Variants in MROH1 observed in about 807,000 individuals in gnomAD.
MROH1 encodes maestro heat like repeat family member 1.
In MROH1, 117 loss-of-function variants were observed where a neutral mutation model predicts 116.5. The observed-to-expected ratio is 1.00, with a 90% CI of 0.86 to 1.17. The LOEUF (loss-of-function observed/expected upper bound fraction) is 1.17, where lower values mean the gene tolerates loss of function less well. MROH1 is among the 50% of genes most tolerant of loss of function. MROH1 has a pLI of 0.00. For synonymous variants in MROH1, 921 were observed against 583.9 expected (o/e 1.58, Z -8.32); for missense variants, 1,873 against 1,338.5 (o/e 1.40, Z -6.23).
At chr8:144,150,747 C>T (rs901445669) in intron 1 of MROH1, among the ~76,000 whole-genome samples, 71 of 152,330 alleles carry the variant, frequency 4.7e-4, no homozygotes, top group African/African-American at 1.4e-3. Context: ...CTTATCCAGC[C>T]ACTGATGCAG....
chr8:144,170,334 AG>A (rs1013893703), intron 4 of MROH1, among the ~76,000 whole-genome samples: 7 of 152,220 alleles, frequency 4.6e-5, no homozygotes, highest in Non-Finnish European at 1.0e-4. Context: ...ATTTTTAAAA[AG>A]TCTGCCTTCA....
intron 23 of MROH1, 39 bp downstream of exon 23, chr8:144,242,554 G>A (rs1588442978): frequency 3.8e-6 from 3 of 780,464 alleles, no homozygotes. Context: ...GGGGAGCTGG[G>A]GCTGCCGGGG....
rs551057836 is a variant in MROH1, at chr8:144,160,016, G to T, written c.-176-954G>T. ...GATCTCCTGAGCTCATGATCCACCC[G>T]CCTCGGCCTCCCAAAGTGCTGGGAT... is the stretch of plus-strand genomic sequence containing the variant. On this transcript the variant is annotated intron_variant, in intron 1 of 43. Transcript: ENST00000326134. Among the ~76,000 whole-genome samples the T allele has an allele frequency of 4.6e-5, 7 of 152,182 alleles. No homozygotes were observed. In the South Asian group the frequency reaches 1.5e-3, roughly 32 times the overall value.
At chr8:144,195,219 A>AAAAAAAAAAAAAAAAAAAAT (rs1829573222) in intron 10 of MROH1, among the ~76,000 whole-genome samples, 1 of 141,932 alleles carries the variant, frequency 7.0e-6, no homozygotes, top group East Asian at 2.2e-4. Flanking sequence ...AAAAAAAAAA[A>AAAAAAAAAAAAAAAAAAAAT]GGCCGAGTGC....
chr8:144,219,612 C>G (rs1836269372), intron 12 of MROH1, among the ~76,000 whole-genome samples: 1 of 152,124 alleles, frequency 6.6e-6, no homozygotes, highest in Non-Finnish European at 1.5e-5. Flanking sequence ...TTTCATCCTC[C>G]TAACCCAGGG....
Position 144,219,123 on chromosome 8 carries a change from C to T in MROH1, c.1142-1477C>T, listed in dbSNP as rs576606630. Reference sequence around the variant, plus strand: ...CTGCAAGCTCTGCCTCCCGGGTTCACGCCATTCTCCTGCCTCAGCCTCCCA... The same window carrying T: ...CTGCAAGCTCTGCCTCCCGGGTTCATGCCATTCTCCTGCCTCAGCCTCCCA... On this transcript the variant is annotated intron_variant, in intron 12 of 43. Coordinates refer to ENST00000326134, the MANE Select transcript of MROH1 (RefSeq NM_032450.3). Among the ~76,000 whole-genome samples, 38 of 151,232 alleles carry T rather than the reference C, an allele frequency of 2.5e-4. No homozygotes were observed. The East Asian group carries it at 6.2e-3, about 25-fold the overall frequency.
At chr8:144,200,767 C>A (rs946751759) in intron 12 of MROH1, 4 of 532,332 alleles carry the variant, frequency 7.5e-6, no homozygotes, top group African/African-American at 1.9e-5. Context: ...GCTTTGACAG[C>A]TGGCTGCAGA....
At chr8:144,214,153 ATGT>A (rs1011776610) in intron 12 of MROH1, 4 of 152,158 alleles carry the variant, frequency 2.6e-5, no homozygotes, top group Non-Finnish European at 5.9e-5. Context: ...CGGCTGCCTG[ATGT>A]TGGAGGCTCT....
At chr8:144,165,175 G>T (rs1820499181) in intron 3 of MROH1, among the ~76,000 whole-genome samples, 2 of 150,714 alleles carry the variant, frequency 1.3e-5, no homozygotes, top group Non-Finnish European at 2.9e-5. Flanking sequence ...AGGCTGGAGT[G>T]CAGTGGATCT....
At chr8:144,256,517 C>T (rs1407675585) in intron 35 of MROH1, among the ~76,000 whole-genome samples, 2 of 152,176 alleles carry the variant, frequency 1.3e-5, no homozygotes, top group South Asian at 2.1e-4. Context: ...CCAGTGGGGC[C>T]GGCTGCCAGC....
intron 33 of MROH1, 176 bp from the exon 34 acceptor site, chr8:144,254,637 T>G (rs912502479): frequency 3.9e-5 from 23 of 592,494 alleles, no homozygotes; most frequent in African/African-American, 3.4e-4. Flanking sequence ...ATCCCTGGAG[T>G]CAGGGGAAGG....
At chr8:144,257,017 A>G (rs1434191749) in intron 35 of MROH1, among the ~76,000 whole-genome samples, 3 of 152,082 alleles carry the variant, frequency 2.0e-5, no homozygotes, top group Admixed American at 6.5e-5. Flanking sequence ...GGCCCAGCTG[A>G]ACTGACTGTG....
In MROH1 at chr8:144,163,346, T is replaced by C. The variant is rs1820015831; in HGVS notation, c.-56-425T>C. ...AGGCAGAGGGAACTTGGACGCTTCC[T>C]GGACTCGATTCTTAGGGACCATTGT... is the stretch of plus-strand genomic sequence containing the variant. On this transcript the variant is annotated intron_variant, in intron 2 of 43. Coordinates refer to ENST00000326134, the MANE Select transcript of MROH1 (RefSeq NM_032450.3). The surrounding 1 kb of genome is among the most constrained non-coding windows in gnomAD (Gnocchi z 4.4). 6.6e-6 allele frequency among the ~76,000 whole-genome samples: 1 copy of C among 152,236 alleles called. No individual in the cohort carries two copies. The highest frequency in any genetic ancestry group is 2.1e-4 in the South Asian group (1 of 4,838).
chr8:144,221,011 C>T (rs1180708403), intron 13 of MROH1, among the ~76,000 whole-genome samples: 3 of 152,192 alleles, frequency 2.0e-5, no homozygotes, highest in East Asian at 1.9e-4. Context: ...TGCAGGTCCA[C>T]ATCAGCCATG....
At chr8:144,247,226 C>G in intron 29 of MROH1, 75 bp from the exon 30 acceptor site, 2 of 725,656 alleles carry the variant, frequency 2.8e-6, no homozygotes, top group South Asian at 2.9e-5. Context: ...CTCCAGCCCT[C>G]CTCTGGGTAC....
At chr8:144,185,281 C>T (rs1300077274) in intron 7 of MROH1, among the ~76,000 whole-genome samples, 2 of 152,034 alleles carry the variant, frequency 1.3e-5, no homozygotes, top group East Asian at 3.9e-4. Flanking sequence ...TGTGTCAGGC[C>T]GTTGCAAGTT....
intron 10 of MROH1, among the ~76,000 whole-genome samples, chr8:144,198,513 G>A (rs1323679913): frequency 6.6e-6 from 1 of 152,164 alleles, no homozygotes; most frequent in African/African-American, 2.4e-5. Flanking sequence ...AACCTCCCGG[G>A]CTCAGGCAGT....
At chr8:144,257,989 G>A (rs936401583) in intron 35 of MROH1, among the ~76,000 whole-genome samples, 6 of 152,200 alleles carry the variant, frequency 3.9e-5, no homozygotes, top group African/African-American at 1.2e-4. Context: ...GCCCCAGACC[G>A]TGCCTGTTGG....
At chr8:144,240,393 G>T (rs1250656743) in intron 19 of MROH1, among the ~76,000 whole-genome samples, 177 bp from the exon 20 acceptor site, 1 of 152,180 alleles carries the variant, frequency 6.6e-6, no homozygotes, top group Admixed American at 6.5e-5. Context: ...CTCTCACCCT[G>T]CCTGGTGAGC....
Sources: allele counts gnomAD v4.1 joint callset (sites outside exome capture counted in the v4.1 genomes callset), GRCh38; gene constraint gnomAD v4.1.1; non-coding constraint Gnocchi (gnomAD v3.1); transcripts MANE v1.5; gene names NCBI Gene and HGNC (gene_info 2026-07-23, HGNC 2026-07-21).